ZNF740: variants seen among roughly 807,000 people sequenced by gnomAD.
The protein encoded by ZNF740 is oriLyt TD-element-binding protein 7.
In ZNF740, 14 loss-of-function variants were observed where a neutral mutation model predicts 24.8. The ratio of observed to expected loss-of-function variants is 0.56; its 90% CI spans 0.37 to 0.88. The LOEUF (loss-of-function observed/expected upper bound fraction) is 0.88, where lower values mean the gene tolerates loss of function less well. Among genes scored for constraint, ZNF740 ranks in the 40% least tolerant of loss-of-function variants. The probability of loss-of-function intolerance (pLI) is 0.00; values close to 1 mark genes in which losing one functional copy is unlikely to be tolerated. For synonymous variants in ZNF740, 69 were observed against 84.0 expected, an observed-to-expected ratio of 0.82 and a Z score of 0.98; for missense variants, 201 against 247.9, an observed-to-expected ratio of 0.81 and a Z score of 1.27.
chr12:53,182,357 A>G (rs1295296040), intron 2 of ZNF740, among the ~76,000 whole-genome samples: 4 of 152,140 alleles, frequency 2.6e-5, no homozygotes, highest in African/African-American at 4.8e-5. Context: ...GTTGCATGCA[A>G]GGCATTGTGC....
chr12:53,191,982 G>A lies in ZNF740; in HGVS notation c.*4392G>A, dbSNP rs370893853. 15 of 1,612,320 alleles carry A rather than the reference G, an allele frequency of 9.3e-6. No individual in the cohort carries two copies. The highest frequency in any genetic ancestry group is 5.0e-5 in the Admixed American group (3 of 59,952). ...GCCCCACTGCCACGATGCCCCCTAC[G>A]CAGCCCAGCACAATGGCCTGCGTGT... On this transcript the variant is annotated 3_prime_UTR_variant, in exon 7 of 7. Coordinates refer to ENST00000416904, the MANE Select transcript of ZNF740 (RefSeq NM_001004304.4).
At position 53,191,817 on chromosome 12, in the gene ZNF740, G is replaced by C. The variant is rs1243769039; in HGVS notation, c.*4227G>C. ...AGGAATCAGGGCTGGTCTTGTGGTG[G>C]GGGAACAGCTAAAAAGGGGCCTAAC... On this transcript the variant is annotated 3_prime_UTR_variant, in exon 7 of 7. Coordinates refer to ENST00000416904, the MANE Select transcript of ZNF740 (RefSeq NM_001004304.4). 6.2e-7 allele frequency: 1 copy of C among 1,611,296 alleles called. No homozygotes were observed. Among genetic ancestry groups the C allele is most frequent in the Non-Finnish European group, 8.5e-7 (1 of 1,178,102 alleles).
rs1471522533 is a variant in ZNF740 at position 53,189,545 on chromosome 12, C to T, written c.*1955C>T. The T allele has an allele frequency of 1.3e-5, 2 of 152,138 alleles. No individual in the cohort carries two copies. Among genetic ancestry groups the T allele is most frequent in the Non-Finnish European group, 2.9e-5 (2 of 68,040 alleles). The allele number at this position is 152,138 out of a possible 1,614,324, so 9.4% of individuals were successfully genotyped here. On this transcript the variant is annotated 3_prime_UTR_variant, in exon 7 of 7. Transcript: ENST00000416904. ...AGGCATGGCACCCATTCGATTTTCC[C>T]TGACAGCATCTGAGATCCTTTTGGG...
chr12:53,181,994 TA>T lies in ZNF740; in HGVS notation c.9+7del. 6.2e-7 allele frequency: 1 copy of T among 1,607,676 alleles called. No individual in the cohort carries two copies. The highest frequency in any genetic ancestry group is 8.5e-7 in the Non-Finnish European group (1 of 1,176,950). ...AAGTGAGAAATCAGCATGGCTCAGG[TA>T]AAAAGCTCTAGAGTCCTCCTCCAAG... On this transcript the variant is annotated splice_donor_region_variant and intron_variant, in intron 2 of 6. Transcript: ENST00000416904.
chr12:53,184,114 GGTGTGTGTGTGTGT>G (rs754768891), intron 2 of ZNF740, among the ~76,000 whole-genome samples: 2 of 123,508 alleles, frequency 1.6e-5, no homozygotes, highest in Non-Finnish European at 3.3e-5. Flanking sequence ...GAAGCTAAGG[GGTGTGTGTGTGTGT>G]GTGTGTGTGT....
rs1160644073 is a variant in ZNF740 at position 53,193,696 on chromosome 12, G to A, written c.*6106G>A. The stretch of plus-strand genomic sequence containing the variant: ...GGGAGCCAGGTGGTTGAAGGGAAGA[G>A]GAGGCCCTCACCTGCATACACCACA... On this transcript the variant is annotated 3_prime_UTR_variant, in exon 7 of 7. Coordinates refer to ENST00000416904, the MANE Select transcript of ZNF740 (RefSeq NM_001004304.4). 1.3e-6 allele frequency: 2 copies of A among 1,595,004 alleles called. No individual in the cohort carries two copies. The highest frequency in any genetic ancestry group is 1.7e-5 in the Admixed American group (1 of 57,796).
chr12:53,193,398 G>T lies in ZNF740; in HGVS notation c.*5808G>T, dbSNP rs1477227304. ...GAAGGCAAAGGAGAGAAGTAGGTCA[G>T]AGGGTTTGATCACCCCTGACTTGTC... On this transcript the variant is annotated 3_prime_UTR_variant, in exon 7 of 7. Coordinates refer to ENST00000416904, the MANE Select transcript of ZNF740 (RefSeq NM_001004304.4). 6.8e-7 allele frequency: 1 copy of T among 1,469,524 alleles called. No individual in the cohort carries two copies. Among genetic ancestry groups the T allele is most frequent in the African/African-American group, 1.4e-5 (1 of 71,050 alleles). 91.0% of individuals were successfully genotyped at this position (1,469,524 alleles called of 1,614,324 possible).
At chr12:53,182,431 G>A (rs530510898) in intron 2 of ZNF740, among the ~76,000 whole-genome samples, 11 of 152,130 alleles carry the variant, frequency 7.2e-5, no homozygotes, top group Admixed American at 2.6e-4. Flanking sequence ...AGTTGGGGTC[G>A]GGAGAGGGAT....
chr12:53,187,474 G>A (rs778872485), intron 6 of ZNF740, 27 bp from the exon 7 acceptor site: 1 of 1,604,318 alleles, frequency 6.2e-7, no homozygotes, highest in Non-Finnish European at 8.5e-7. Flanking sequence ...TGTCTGCTCA[G>A]GCACTTAACC....
rs933555704 is a variant in ZNF740, at chr12:53,180,732, C to T, written c.-413C>T. ...CCGGGGTTGGTGTTTGTAAACTTGC[C>T]TCGGTCCCGGTGGGGGCAGCCGCGG... is the stretch of plus-strand genomic sequence containing the variant. On this transcript the variant is annotated 5_prime_UTR_variant, in exon 1 of 7. Coordinates refer to ENST00000416904, the MANE Select transcript of ZNF740 (RefSeq NM_001004304.4). The T allele has an allele frequency of 1.6e-6, 2 of 1,264,502 alleles. No homozygotes were observed. The highest frequency in any genetic ancestry group is 2.0e-6 in the Non-Finnish European group (2 of 976,422). The allele number at this position is 1,264,502 out of a possible 1,614,324, so 78.3% of individuals were successfully genotyped here. A position where few individuals can be genotyped will look rare whatever the true frequency, so the allele number is the denominator to read the frequency against.
chr12:53,192,204 C>G lies in ZNF740; in HGVS notation c.*4614C>G. 8.0e-7 allele frequency: 1 copy of G among 1,248,414 alleles called. No homozygotes were observed. The highest frequency in any genetic ancestry group is 1.1e-6 in the Non-Finnish European group (1 of 887,056). 77.3% of individuals were successfully genotyped at this position (1,248,414 alleles called of 1,614,324 possible). ...CGTCCACTTGCTCAATTGCCTCTGC[C>G]TTTGTCCTGGATTCACAGTTCTGCT... On this transcript the variant is annotated 3_prime_UTR_variant, in exon 7 of 7. Transcript: ENST00000416904.
At chr12:53,182,404 C>T (rs948991362) in intron 2 of ZNF740, among the ~76,000 whole-genome samples, 1 of 152,180 alleles carries the variant, frequency 6.6e-6, no homozygotes, top group Admixed American at 6.5e-5. Context: ...TCCTTGTCCC[C>T]AGTGAGCTTC....
At position 53,193,549 on chromosome 12, in the gene ZNF740, G is replaced by T. The variant is rs1402710776; in HGVS notation, c.*5959G>T. ...GGAGGGAGCCCCAGTCAGGGGGAGG[G>T]CCTGGACATACATGGGAAGCTTCAA... On this transcript the variant is annotated 3_prime_UTR_variant, in exon 7 of 7. Coordinates refer to ENST00000416904, the MANE Select transcript of ZNF740 (RefSeq NM_001004304.4). The T allele has an allele frequency of 3.9e-6, 3 of 762,236 alleles. No homozygotes were observed. Among genetic ancestry groups the T allele is most frequent in the Admixed American group, 2.9e-5 (1 of 33,910 alleles). 47.2% of individuals were successfully genotyped at this position (762,236 alleles called of 1,614,324 possible).
Position 53,194,118 on chromosome 12 carries a change from C to T in ZNF740, c.*6528C>T. 1.3e-6 allele frequency: 2 copies of T among 1,582,416 alleles called. No individual in the cohort carries two copies. The highest frequency in any genetic ancestry group is 1.7e-6 in the Non-Finnish European group (2 of 1,155,684). Reference sequence around the variant, plus strand: ...CTCTCATGTCACTCCCTGTACCTGCCACCCATCTTTTCCTGCCTGCTTAAT... The same window carrying T: ...CTCTCATGTCACTCCCTGTACCTGCTACCCATCTTTTCCTGCCTGCTTAAT... On this transcript the variant is annotated 3_prime_UTR_variant, in exon 7 of 7. Transcript: ENST00000416904.
At position 53,191,912 on chromosome 12, in the gene ZNF740, G is replaced by A. The variant is rs779207897; in HGVS notation, c.*4322G>A. On this transcript the variant is annotated 3_prime_UTR_variant, in exon 7 of 7. Transcript: ENST00000416904. ...TTCTCAAAGCGACTGTATTCCCGGC[G>A]GTCATAGATTTCCACCGAGAGCCGG... The A allele has an allele frequency of 8.7e-6, 14 of 1,610,778 alleles. No individual in the cohort carries two copies. The highest frequency in any genetic ancestry group is 4.4e-5 in the South Asian group (4 of 91,008).
In ZNF740 at chr12:53,188,857, C is replaced by G. The variant is rs769932487; in HGVS notation, c.*1267C>G. 3 of 152,150 alleles carry G rather than the reference C, an allele frequency of 2.0e-5. No homozygotes were observed. The highest frequency in any genetic ancestry group is 4.4e-5 in the Non-Finnish European group (3 of 68,038). 9.4% of individuals were successfully genotyped at this position (152,150 alleles called of 1,614,324 possible). A position where few individuals can be genotyped will look rare whatever the true frequency, so the allele number is the denominator to read the frequency against. ...TTTGCTCCTCTCTGCTCCAATACCA[C>G]CACCTTGTCCACTCCCAAAAAAGTA... On this transcript the variant is annotated 3_prime_UTR_variant, in exon 7 of 7. Transcript: ENST00000416904.
intron 3 of ZNF740, 141 bp downstream of exon 3, chr12:53,185,181 G>A: frequency 7.3e-7 from 1 of 1,378,212 alleles, no homozygotes; most frequent in East Asian, 2.4e-5. Flanking sequence ...GATGAACATT[G>A]GTATTTCAGA....
rs759008127 is a variant in ZNF740, at chr12:53,191,936, G to A, written c.*4346G>A. 1.4e-5 allele frequency: 22 copies of A among 1,610,970 alleles called. No individual in the cohort carries two copies. The highest frequency in any genetic ancestry group is 2.2e-5 in the East Asian group (1 of 44,890). On this transcript the variant is annotated 3_prime_UTR_variant, in exon 7 of 7. Coordinates refer to ENST00000416904, the MANE Select transcript of ZNF740 (RefSeq NM_001004304.4). ...CGGTCATAGATTTCCACCGAGAGCCGGTAAGCCAGGACCAGCCCCAGCCCC... is the reference window on the plus strand; with the variant it reads ...CGGTCATAGATTTCCACCGAGAGCCAGTAAGCCAGGACCAGCCCCAGCCCC...
intron 2 of ZNF740, chr12:53,182,330 G>T: frequency 4.0e-6 from 1 of 249,968 alleles, no homozygotes; most frequent in Non-Finnish European, 7.6e-6. Flanking sequence ...TTTCCAACAG[G>T]AATTTATTGA....
Sources: gnomAD v4.1 joint callset for allele counts (sites outside exome capture counted in the v4.1 genomes callset) on GRCh38, gnomAD v4.1.1 for gene constraint, MANE v1.5 for transcripts, NCBI Gene and HGNC (gene_info 2026-07-23, HGNC 2026-07-21) for gene names.